Variants in HNRNPA1L2 observed in about 807,000 individuals in gnomAD.
HNRNPA1L2 encodes the protein heterogeneous nuclear ribonucleoprotein A1 like 2.
HNRNPA1L2 carries 10 observed loss-of-function variants against 18.2 expected under a neutral mutation model. The observed-to-expected ratio is 0.55, with a 90% CI of 0.34 to 0.93. HNRNPA1L2 has a LOEUF of 0.93. HNRNPA1L2 is among the 40% of genes least tolerant of loss of function. The pLI, the probability that HNRNPA1L2 is intolerant of heterozygous loss-of-function variation, is 0.02. For synonymous variants in HNRNPA1L2, 124 were observed against 138.6 expected, an observed-to-expected ratio of 0.89 and a Z score of 0.74; for missense variants, 308 against 394.4, an observed-to-expected ratio of 0.78 and a Z score of 1.85.
At chr13:52,641,066 C>G (rs1961640276), upstream of HNRNPA1L2, 1 of 152,220 alleles carries the variant, frequency 6.6e-6, no homozygotes, top group Non-Finnish European at 1.5e-5. Context: ...CAAGGACCAG[C>G]ATGATCTGTC....
chr13:52,622,736 A>C, the HNRNPA1L2 span, among the ~76,000 whole-genome samples: 2 of 152,180 alleles, frequency 1.3e-5, no homozygotes, highest in African/African-American at 4.8e-5. Context: ...ACCAATAACT[A>C]TCCGTGCTTT....
At chr13:52,639,330 C>T (rs1961567431), upstream of HNRNPA1L2, among the ~76,000 whole-genome samples, 1 of 152,094 alleles carries the variant, frequency 6.6e-6, no homozygotes, top group Non-Finnish European at 1.5e-5. Context: ...AGTCTAAGCT[C>T]TGATGCTCAG....
chr13:52,626,627 A>G, the HNRNPA1L2 span, among the ~76,000 whole-genome samples: 2 of 152,080 alleles, frequency 1.3e-5, no homozygotes, highest in African/African-American at 4.8e-5. Context: ...ACAATGATCA[A>G]CATTTTACTA....
chr13:52,619,919 C>CAAAAA, the HNRNPA1L2 span, among the ~76,000 whole-genome samples: 7 of 69,142 alleles, frequency 1.0e-4, no homozygotes, highest in Admixed American at 1.9e-4. Flanking sequence ...GATTCCGTCT[C>CAAAAA]AAAAAAAAAA....
chr13:52,637,663 C>T (rs565419777), upstream of HNRNPA1L2, among the ~76,000 whole-genome samples: 84 of 152,112 alleles, frequency 5.5e-4, no homozygotes, highest in African/African-American at 1.9e-3. Flanking sequence ...TTAGCTCTAA[C>T]GGCGATAAAA....
the HNRNPA1L2 span, among the ~76,000 whole-genome samples, chr13:52,625,888 C>T: frequency 1.3e-5 from 2 of 152,092 alleles, no homozygotes; most frequent in Non-Finnish European, 2.9e-5. Flanking sequence ...AGTGATCCTT[C>T]CACTCAACCT....
Position 52,643,091 on chromosome 13 carries a change from G to A in HNRNPA1L2, c.599G>A (p.Gly200Glu). 6.3e-7 allele frequency: 1 copy of A among 1,597,800 alleles called. No homozygotes were observed. The highest frequency in any genetic ancestry group is 8.5e-7 in the Non-Finnish European group (1 of 1,179,806). Residue 200 changes from glycine to glutamate, a missense_variant, in exon 1 of 1, where the codon GGA becomes GAA. By Grantham distance (98) the Gly-to-Glu change is moderately conservative. Coordinates refer to ENST00000357495, the MANE Select transcript of HNRNPA1L2 (RefSeq NM_001389320.1). Reference sequence around the variant, plus strand: ...AGCCAAAGAGGTCGAAGGGGTTCTGGAAACTTTGGTGGTGGTCGTGGAGAT... The same window carrying A: ...AGCCAAAGAGGTCGAAGGGGTTCTGAAAACTTTGGTGGTGGTCGTGGAGAT... Reference protein sequence around the residue: ...SSSQRGRRGSGNFGGGRGDGF... With the variant: ...SSSQRGRRGSENFGGGRGDGF...
chr13:52,642,421 C>T, upstream of HNRNPA1L2: 2 of 1,574,982 alleles, frequency 1.3e-6, no homozygotes, highest in Non-Finnish European at 1.7e-6. Context: ...TATCTAAGAT[C>T]TCTGGTGGAC....
the HNRNPA1L2 span, among the ~76,000 whole-genome samples, chr13:52,620,248 G>T: frequency 6.6e-6 from 1 of 152,060 alleles, no homozygotes; most frequent in Non-Finnish European, 1.5e-5. Context: ...GAAGCACCTG[G>T]GTCTTATTTA....
the HNRNPA1L2 span, among the ~76,000 whole-genome samples, chr13:52,624,255 A>G: frequency 6.6e-6 from 1 of 152,162 alleles, no homozygotes. Flanking sequence ...CTGGGATTAC[A>G]GGTGCCTGCC....
the HNRNPA1L2 span, among the ~76,000 whole-genome samples, chr13:52,628,162 G>A: frequency 5.3e-5 from 8 of 152,268 alleles, no homozygotes; most frequent in African/African-American, 1.9e-4. Context: ...AAAAGAAATG[G>A]CCATGTGTGG....
the HNRNPA1L2 span, among the ~76,000 whole-genome samples, chr13:52,624,513 A>G: frequency 6.6e-6 from 1 of 152,252 alleles, no homozygotes; most frequent in Non-Finnish European, 1.5e-5. Context: ...TTTTACCACA[A>G]CCACTTCTGA....
upstream of HNRNPA1L2, among the ~76,000 whole-genome samples, chr13:52,638,948 T>A (rs529402646): frequency 6.6e-6 from 1 of 152,308 alleles, no homozygotes; most frequent in African/African-American, 2.4e-5. Context: ...AAGGAAGGAC[T>A]AATATTTTCC....
chr13:52,642,237 C>CA (rs1961681150), upstream of HNRNPA1L2: 1 of 511,320 alleles, frequency 2.0e-6, no homozygotes, highest in Non-Finnish European at 3.4e-6. Context: ...GCTGGAGAAA[C>CA]AAAATTAGGG....
the HNRNPA1L2 span, among the ~76,000 whole-genome samples, chr13:52,633,476 T>C: frequency 6.6e-6 from 1 of 152,198 alleles, no homozygotes; most frequent in African/African-American, 2.4e-5. Flanking sequence ...AGAAACTCAG[T>C]ACAAATGGTC....
the HNRNPA1L2 span, chr13:52,627,418 G>C: frequency 4.8e-5 from 12 of 251,546 alleles, no homozygotes; most frequent in Admixed American, 2.0e-4. Flanking sequence ...TTCTCATTTG[G>C]TTTTCATTTT....
the HNRNPA1L2 span, among the ~76,000 whole-genome samples, chr13:52,621,192 A>G: frequency 6.6e-6 from 1 of 152,210 alleles, no homozygotes; most frequent in East Asian, 1.9e-4. Flanking sequence ...CTTTTGCATG[A>G]GTCTAGTATA....
chr13:52,642,353 T>C (rs1961685097), upstream of HNRNPA1L2: 1 of 1,155,904 alleles, frequency 8.7e-7, no homozygotes, highest in Admixed American at 2.3e-5. Context: ...ATGAAAAATG[T>C]ATTTATTTCC....
the HNRNPA1L2 span, among the ~76,000 whole-genome samples, chr13:52,628,920 G>C: frequency 1.3e-5 from 2 of 151,668 alleles, no homozygotes; most frequent in Non-Finnish European, 2.9e-5. Flanking sequence ...TTGTCTCCTC[G>C]GCTGGACTGC....
Sources: gnomAD v4.1 joint callset for allele counts (sites outside exome capture counted in the v4.1 genomes callset) on GRCh38, gnomAD v4.1.1 for gene constraint, MANE v1.5 for transcripts, NCBI Gene and HGNC (gene_info 2026-07-23, HGNC 2026-07-21) for gene names.